The following SV2B variants were observed in gnomAD, a reference collection of about 807,000 sequenced individuals.
The protein encoded by SV2B is synaptic vesicle glycoprotein 2B.
In SV2B, 41 loss-of-function variants were observed where a neutral mutation model predicts 73.9. That is an observed-to-expected ratio of 0.56 (90% CI 0.43 to 0.72). The LOEUF is 0.72. Among genes scored for constraint, SV2B ranks in the 30% least tolerant of loss-of-function variants. The pLI, the probability that SV2B is intolerant of heterozygous loss-of-function variation, is 0.00. For missense variants in SV2B, 764 were observed against 857.8 expected, an observed-to-expected ratio of 0.89 and a Z score of 1.37; for synonymous variants, 314 against 314.2, an observed-to-expected ratio of 1.00 and a Z score of 0.01.
chr15:91,110,282 C>T lies in SV2B; in HGVS notation c.-392+9919C>T, dbSNP rs527246177. Among the ~76,000 whole-genome samples, 2 of 152,236 alleles carry T rather than the reference C, an allele frequency of 1.3e-5. No homozygotes were observed. The highest frequency in any genetic ancestry group is 1.9e-4 in the East Asian group (1 of 5,186). ...ATGGAGAGAGGGTCAAAGCTCAGGT[C>T]GGGGCTGTAGCAATGTTAAGTTTGT... On this transcript the variant is annotated intron_variant, in intron 1 of 12. Coordinates refer to ENST00000394232, the MANE Select transcript of SV2B (RefSeq NM_001323032.3). This position sits in a 1 kb window ranked among gnomAD's most constrained non-coding sequence, Gnocchi z 5.4.
intron 1 of SV2B, among the ~76,000 whole-genome samples, chr15:91,113,679 C>T (rs2042098326): frequency 6.6e-6 from 1 of 152,124 alleles, no homozygotes; most frequent in South Asian, 2.1e-4. Flanking sequence ...CTTTTCTTCT[C>T]TCATTGTTTC....
chr15:91,137,664 C>CATATATTTCATATATACAT lies in SV2B; in HGVS notation c.-392+37317_-392+37318insCATATATATTTCATATATA, dbSNP rs2042882814. On this transcript the variant is annotated intron_variant, in intron 1 of 12. Coordinates refer to ENST00000394232, the MANE Select transcript of SV2B (RefSeq NM_001323032.3). This position sits in a 1 kb window ranked among gnomAD's most constrained non-coding sequence, Gnocchi z 4.9. ...TATATACATATATATTTCATATATA[C>CATATATTTCATATATACAT]ATATATTTCATATATATATACACAC... 1.1e-5 allele frequency among the ~76,000 whole-genome samples: 1 copy of CATATATTTCATATATACAT among 89,328 alleles called. No individual in the cohort carries two copies. The highest frequency in any genetic ancestry group is 3.7e-5 in the African/African-American group (1 of 27,380). The allele number at this position is 89,328 out of a possible 152,430, so 58.6% of individuals were successfully genotyped here. A position where few individuals can be genotyped will look rare whatever the true frequency, so the allele number is the denominator to read the frequency against.
At chr15:91,270,951 A>AGGACGGTGAGTCCTGTGGATGATGGGC (rs1567418032) in intron 9 of SV2B, among the ~76,000 whole-genome samples, 1 of 114,188 alleles carries the variant, frequency 8.8e-6, no homozygotes, top group Non-Finnish European at 1.8e-5. Flanking sequence ...GGACGATGGG[A>AGGACGGTGAGTCCTGTGGATGATGGGC]GGACGGTGAG....
Position 91,224,570 on chromosome 15 carries a change from T to C in SV2B, c.-391-1303T>C, listed in dbSNP as rs8031187. 3.9e-3 allele frequency among the ~76,000 whole-genome samples: 598 copies of C among 152,248 alleles called. 5 individuals are homozygous for C. The highest frequency in any genetic ancestry group is 0.014 in the African/African-American group (561 of 41,542). On this transcript the variant is annotated intron_variant, in intron 1 of 12. Transcript: ENST00000394232. This position sits in a 1 kb window ranked among gnomAD's most constrained non-coding sequence, Gnocchi z 4.9. The stretch of plus-strand genomic sequence containing the variant: ...TGTATTTTTAAAGCTCCCCAGGTGA[T>C]TTAATGTGACAGTCCCTCGGGGTAG...
Position 91,265,756 on chromosome 15 carries a change from T to C in SV2B, c.1009-826T>C, listed in dbSNP as rs982103034. Among the ~76,000 whole-genome samples the C allele has an allele frequency of 6.6e-6, 1 of 152,160 alleles. No individual in the cohort carries two copies. The highest frequency in any genetic ancestry group is 1.9e-4 in the East Asian group (1 of 5,194). ...GCATAGCTGGGAGTGGCCAGATGAG[T>C]CCAGGAGGCTCACAGTGTGGTCATG... is the stretch of plus-strand genomic sequence containing the variant. On this transcript the variant is annotated intron_variant, in intron 6 of 12. Transcript: ENST00000394232. The surrounding 1 kb of genome is among the most constrained non-coding windows in gnomAD (Gnocchi z 4.2).
chr15:91,099,730 A>C (rs1465116561), upstream of SV2B, among the ~76,000 whole-genome samples: 2 of 152,180 alleles, frequency 1.3e-5, no homozygotes, highest in Admixed American at 6.5e-5. Flanking sequence ...AACGAGAACA[A>C]AGCAGTCGAA....
chr15:91,232,173 A>G lies in SV2B; in HGVS notation c.451+5459A>G, dbSNP rs78675226. On this transcript the variant is annotated intron_variant, in intron 2 of 12. Coordinates refer to ENST00000394232, the MANE Select transcript of SV2B (RefSeq NM_001323032.3). This position sits in a 1 kb window ranked among gnomAD's most constrained non-coding sequence, Gnocchi z 4.7. ...GGAGGGGGGTCACTTCTGTGGCACAAAATATGTCCTCAGTGACCAAGTATT... is the reference window on the plus strand; with the variant it reads ...GGAGGGGGGTCACTTCTGTGGCACAGAATATGTCCTCAGTGACCAAGTATT... Among the ~76,000 whole-genome samples the G allele has an allele frequency of 2.0e-4, 30 of 152,318 alleles. No homozygotes were observed. Among genetic ancestry groups the G allele is most frequent in the Non-Finnish European group, 4.0e-4 (27 of 68,030 alleles).
chr15:91,159,141 G>A (rs1252308273), intron 1 of SV2B, among the ~76,000 whole-genome samples: 1 of 152,100 alleles, frequency 6.6e-6, no homozygotes, highest in African/African-American at 2.4e-5. Flanking sequence ...TTGCTTTAGA[G>A]AGCTCAGCTA....
At chr15:91,278,976 A>G (rs2048594891) in intron 9 of SV2B, among the ~76,000 whole-genome samples, 1 of 152,218 alleles carries the variant, frequency 6.6e-6, no homozygotes, top group Non-Finnish European at 1.5e-5. Flanking sequence ...GATGTAATTT[A>G]CGTGAAAGAG....
Position 91,252,715 on chromosome 15 carries a change from C to T in SV2B, c.784+195C>T, listed in dbSNP as rs916183006. Among the ~76,000 whole-genome samples, 3 of 151,982 alleles carry T rather than the reference C, an allele frequency of 2.0e-5. No homozygotes were observed. Among genetic ancestry groups the T allele is most frequent in the African/African-American group, 4.8e-5 (2 of 41,342 alleles). ...CAATGTCTTTTTTGAAAAATATATC[C>T]TGTCCTCCCTCTTTTCCTCCTTCCT... is the stretch of plus-strand genomic sequence containing the variant. On this transcript the variant is annotated intron_variant, in intron 4 of 12. Coordinates refer to ENST00000394232, the MANE Select transcript of SV2B (RefSeq NM_001323032.3). The surrounding 1 kb of genome is among the most constrained non-coding windows in gnomAD (Gnocchi z 4.6).
rs1284705626 is a variant in SV2B, at chr15:91,236,279, T to A, written c.451+9565T>A. 6.6e-6 allele frequency among the ~76,000 whole-genome samples: 1 copy of A among 152,236 alleles called. No individual in the cohort carries two copies. The highest frequency in any genetic ancestry group is 1.5e-5 in the Non-Finnish European group (1 of 68,034). On this transcript the variant is annotated intron_variant, in intron 2 of 12. Transcript: ENST00000394232. The surrounding 1 kb of genome is among the most constrained non-coding windows in gnomAD (Gnocchi z 4.1). ...TTAGTAACTACCAATTTGCTAATTA[T>A]CAGAATAAACATATGTTATTTATTT...
At chr15:91,144,125 C>G (rs1382873854) in intron 1 of SV2B, among the ~76,000 whole-genome samples, 1 of 152,154 alleles carries the variant, frequency 6.6e-6, no homozygotes, top group Non-Finnish European at 1.5e-5. Flanking sequence ...GTTGGTGATG[C>G]CACACATATT....
rs2047060961 is a variant in SV2B, at chr15:91,242,549, AAT to A, written c.452-9267_452-9266del. Among the ~76,000 whole-genome samples, 2 of 152,180 alleles carry A rather than the reference AAT, an allele frequency of 1.3e-5. No individual in the cohort carries two copies. Among genetic ancestry groups the A allele is most frequent in the African/African-American group, 4.8e-5 (2 of 41,438 alleles). ...AAGGCCTCTTTGAGATTTCGCCTGAAATATGAGAAGGAGCCAGCCATGCGAAG... is the reference window on the plus strand; with the variant it reads ...AAGGCCTCTTTGAGATTTCGCCTGAAATGAGAAGGAGCCAGCCATGCGAAG... On this transcript the variant is annotated intron_variant, in intron 2 of 12. Coordinates refer to ENST00000394232, the MANE Select transcript of SV2B (RefSeq NM_001323032.3). The surrounding 1 kb of genome is among the most constrained non-coding windows in gnomAD (Gnocchi z 4.9).
chr15:91,274,653 A>G (rs772089822), intron 9 of SV2B, among the ~76,000 whole-genome samples: 13 of 152,166 alleles, frequency 8.5e-5, no homozygotes, highest in South Asian at 2.1e-4. Flanking sequence ...TACAATTTCC[A>G]TTAATATTCA....
At chr15:91,159,390 A>G (rs2043629324) in intron 1 of SV2B, among the ~76,000 whole-genome samples, 1 of 152,232 alleles carries the variant, frequency 6.6e-6, no homozygotes, top group Non-Finnish European at 1.5e-5. Flanking sequence ...GGTTATTTTA[A>G]GCTTCACACA....
Position 91,121,805 on chromosome 15 carries a change from C to T in SV2B, c.-392+21442C>T, listed in dbSNP as rs999049224. On this transcript the variant is annotated intron_variant, in intron 1 of 12. Coordinates refer to ENST00000394232, the MANE Select transcript of SV2B (RefSeq NM_001323032.3). This position sits in a 1 kb window ranked among gnomAD's most constrained non-coding sequence, Gnocchi z 4.4. ...TTTTTTTTTTTTTGAGATGGAGTCT[C>T]GCTCTGTCACCCAGGCTGGAGTGCA... Among the ~76,000 whole-genome samples, 1 of 148,342 alleles carries T rather than the reference C, an allele frequency of 6.7e-6. No individual in the cohort carries two copies. Among genetic ancestry groups the T allele is most frequent in the Non-Finnish European group, 1.5e-5 (1 of 67,434 alleles).
intron 1 of SV2B, among the ~76,000 whole-genome samples, chr15:91,204,635 T>A (rs1055692355): frequency 1.3e-5 from 2 of 151,386 alleles, no homozygotes; most frequent in African/African-American, 4.9e-5. Context: ...CAGCTCACTG[T>A]AGCCTTGAAC....
intron 2 of SV2B, among the ~76,000 whole-genome samples, chr15:91,244,865 T>C (rs1433136619): frequency 6.6e-6 from 1 of 152,232 alleles, no homozygotes. Flanking sequence ...AAGATGCTGA[T>C]TTTTATTCCT....
rs750546987 is a variant in SV2B, at chr15:91,281,733, C to T, written c.1379C>T (p.Thr460Ile). 1 of 1,601,262 alleles carries T rather than the reference C, an allele frequency of 6.2e-7. No homozygotes were observed. The highest frequency in any genetic ancestry group is 8.5e-7 in the Non-Finnish European group (1 of 1,171,054). Residue 460 changes from threonine to isoleucine, a missense_variant, in exon 10 of 13, where the codon ACA becomes ATA. Physicochemically the swap from Thr to Ile is moderately conservative, Grantham distance 89. Transcript: ENST00000394232. The surrounding 1 kb of genome is among the most constrained non-coding windows in gnomAD (Gnocchi z 4.7). ...GGGTCAACCTCTTCCCACAGGTTCA[C>T]AAGAATGTACTTTAAACATGTACTC... ...QHGKLVNDKF[T>I]RMYFKHVLFE...
Sources: gnomAD v4.1 joint callset for allele counts (sites outside exome capture counted in the v4.1 genomes callset) on GRCh38, gnomAD v4.1.1 for gene constraint, Gnocchi (gnomAD v3.1) non-coding constraint, MANE v1.5 for transcripts, NCBI Gene and HGNC (gene_info 2026-07-23, HGNC 2026-07-21) for gene names.